Variants in UBE3A observed in about 807,000 individuals in gnomAD.
The protein encoded by UBE3A is ubiquitin protein ligase E3A.
A neutral mutation model predicts 83.4 loss-of-function variants in UBE3A; 6 were observed. That is an observed-to-expected ratio of 0.07 (90% CI 0.04 to 0.14). The LOEUF is 0.14. UBE3A is among the 10% of genes least tolerant of loss of function. The probability of loss-of-function intolerance (pLI) is 1.00; values close to 1 mark genes in which losing one functional copy is unlikely to be tolerated. For synonymous variants in UBE3A, 337 were observed against 355.4 expected (o/e 0.95, Z 0.58); for missense variants, 456 against 1,036.1 (o/e 0.44, Z 7.69).
intron 6 of UBE3A, among the ~76,000 whole-genome samples, chr15:25,368,490 T>C (rs2079708101): frequency 6.6e-6 from 1 of 152,116 alleles, no homozygotes; most frequent in African/African-American, 2.4e-5. Flanking sequence ...TCTGTAAGCA[T>C]CATCTCTTTC....
chr15:25,369,356 A>C (rs1352205353), intron 6 of UBE3A, among the ~76,000 whole-genome samples: 1 of 150,280 alleles, frequency 6.7e-6, no homozygotes, highest in Admixed American at 6.6e-5. Flanking sequence ...ACATTAAAAA[A>C]AAAAAACAAA....
At chr15:25,373,033 C>T (rs2080561656) in intron 5 of UBE3A, among the ~76,000 whole-genome samples, 1 of 152,178 alleles carries the variant, frequency 6.6e-6, no homozygotes, top group Admixed American at 6.5e-5. Flanking sequence ...AGAGTACCAA[C>T]ACTTACAGTT....
chr15:25,378,708 A>C (rs577103806), intron 4 of UBE3A, among the ~76,000 whole-genome samples: 2 of 152,274 alleles, frequency 1.3e-5, no homozygotes, highest in South Asian at 4.1e-4. Flanking sequence ...AAGGTGATTC[A>C]TTTCAAAATA....
At position 25,337,688 on chromosome 15, in the gene UBE3A, C is replaced by T. The variant is rs545254196; in HGVS notation, c.*1449G>A. The T allele has an allele frequency of 1.3e-5, 2 of 152,074 alleles. No homozygotes were observed. Among genetic ancestry groups the T allele is most frequent in the South Asian group, 4.1e-4 (2 of 4,820 alleles). The allele number at this position is 152,074 out of a possible 1,614,324, so 9.4% of individuals were successfully genotyped here. ...ACAGTAATCAGTTAAAACAATCAGT[C>T]AATCAATCAATCAATCACCAAGGCA... On this transcript the variant is annotated 3_prime_UTR_variant, in exon 13 of 13. Coordinates refer to ENST00000648336, the MANE Select transcript of UBE3A (RefSeq NM_130839.5).
chr15:25,342,084 TGCAGGA>T (rs1470268553), intron 11 of UBE3A, among the ~76,000 whole-genome samples: 2 of 152,032 alleles, frequency 1.3e-5, no homozygotes, highest in Non-Finnish European at 1.5e-5. Context: ...ACATGAAACT[TGCAGGA>T]GCATCTCTCA....
chr15:25,403,815 T>G (rs907024741), intron 4 of UBE3A, among the ~76,000 whole-genome samples: 7 of 152,138 alleles, frequency 4.6e-5, no homozygotes, highest in Non-Finnish European at 1.0e-4. Context: ...TGGATGAAAC[T>G]TGATGACACT....
chr15:25,412,726 A>C (rs1483803130), intron 1 of UBE3A, among the ~76,000 whole-genome samples: 2 of 150,192 alleles, frequency 1.3e-5, no homozygotes, highest in Non-Finnish European at 2.9e-5. Flanking sequence ...TCAAAGGTTA[A>C]GAAACCTATC....
intron 1 of UBE3A, among the ~76,000 whole-genome samples, chr15:25,431,540 A>G (rs1004145996): frequency 2.0e-5 from 3 of 152,052 alleles, no homozygotes; most frequent in Non-Finnish European, 4.4e-5. Context: ...ACAGGGTTTC[A>G]CCATGTTGGC....
chr15:25,430,790 T>A (rs1440456434), intron 1 of UBE3A, among the ~76,000 whole-genome samples: 1 of 152,196 alleles, frequency 6.6e-6, no homozygotes, highest in Admixed American at 6.5e-5. Flanking sequence ...TAAGAAATTA[T>A]TTAATATCAG....
chr15:25,383,239 C>G (rs1161223120), intron 4 of UBE3A, among the ~76,000 whole-genome samples: 2 of 152,048 alleles, frequency 1.3e-5, no homozygotes, highest in Non-Finnish European at 1.5e-5. Flanking sequence ...AAGGATGGTT[C>G]AACATACAAA....
chr15:25,399,179 T>G (rs1197999670), intron 4 of UBE3A, among the ~76,000 whole-genome samples: 1 of 152,142 alleles, frequency 6.6e-6, no homozygotes, highest in African/African-American at 2.4e-5. Flanking sequence ...TTTTTTCTTT[T>G]TGCCATGCAG....
intron 11 of UBE3A, among the ~76,000 whole-genome samples, chr15:25,341,074 AT>A (rs559324409): frequency 7.0e-4 from 103 of 147,922 alleles, no homozygotes; most frequent in African/African-American, 9.9e-4. Flanking sequence ...AGCTAAATAA[AT>A]TTTTTTTTTT....
intron 12 of UBE3A, 181 bp downstream of exon 12, chr15:25,339,904 A>G (rs892696275): frequency 1.8e-5 from 14 of 773,786 alleles, no homozygotes; most frequent in East Asian, 5.6e-5. Context: ...AACTAGGGCA[A>G]TTTCTTAAAA....
chr15:25,400,205 GT>G (rs1213702275), intron 4 of UBE3A, among the ~76,000 whole-genome samples: 9 of 152,110 alleles, frequency 5.9e-5, no homozygotes, highest in Non-Finnish European at 1.3e-4. Flanking sequence ...ATGTTACATA[GT>G]TTTCAACTCT....
At position 25,337,212 on chromosome 15, in the gene UBE3A, CATA is replaced by C. The variant is rs949162062; in HGVS notation, c.*1922_*1924del. 15 of 152,088 alleles carry C rather than the reference CATA, an allele frequency of 9.9e-5. No individual in the cohort carries two copies. Among genetic ancestry groups the C allele is most frequent in the East Asian group, 3.9e-4 (2 of 5,180 alleles). 9.4% of individuals were successfully genotyped at this position (152,088 alleles called of 1,614,324 possible). ...ACAATTGTAGAACTTTAATAAATAC[CATA>C]ATAATAAAACTTGAGAACTGAAGAG... On this transcript the variant is annotated 3_prime_UTR_variant, in exon 13 of 13. Coordinates refer to ENST00000648336, the MANE Select transcript of UBE3A (RefSeq NM_130839.5).
chr15:25,363,035 A>T (rs566494517), intron 6 of UBE3A, among the ~76,000 whole-genome samples: 6 of 152,160 alleles, frequency 3.9e-5, no homozygotes, highest in Non-Finnish European at 7.4e-5. Flanking sequence ...CAGGATTGAG[A>T]GGCCCTGTGT....
chr15:25,364,632 G>A, intron 6 of UBE3A, among the ~76,000 whole-genome samples: 1 of 121,160 alleles, frequency 8.3e-6, no homozygotes, highest in East Asian at 2.3e-4. Context: ...GATTTTTAGG[G>A]TTTTTTTTGT....
intron 4 of UBE3A, among the ~76,000 whole-genome samples, chr15:25,378,925 T>C (rs1270917973): frequency 6.6e-6 from 1 of 152,148 alleles, no homozygotes; most frequent in Non-Finnish European, 1.5e-5. Flanking sequence ...GTTGAGGACC[T>C]ATGTGCTATG....
Position 25,336,084 on chromosome 15 carries a change from C to G in UBE3A, c.*3053G>C, listed in dbSNP as rs531605377. 1 of 152,134 alleles carries G rather than the reference C, an allele frequency of 6.6e-6. No homozygotes were observed. Among genetic ancestry groups the G allele is most frequent in the Non-Finnish European group, 1.5e-5 (1 of 68,026 alleles). 9.4% of individuals were successfully genotyped at this position (152,134 alleles called of 1,614,324 possible). A position where few individuals can be genotyped will look rare whatever the true frequency, so the allele number is the denominator to read the frequency against. On this transcript the variant is annotated 3_prime_UTR_variant, in exon 13 of 13. Transcript: ENST00000648336. ...CTATTAATAAATGCCAACCCACTAA[C>G]GGGGAGGGGAGAAAAGACTTGGGAC...
Sources: gnomAD v4.1 joint callset for allele counts (sites outside exome capture counted in the v4.1 genomes callset) on GRCh38, gnomAD v4.1.1 for gene constraint, MANE v1.5 for transcripts, NCBI Gene and HGNC (gene_info 2026-07-23, HGNC 2026-07-21) for gene names.